The following TMCO5A variants were observed in gnomAD, a reference collection of about 807,000 sequenced individuals.
TMCO5A encodes transmembrane and coiled-coil domain-containing protein 5A.
Under a neutral mutation model 42.3 loss-of-function variants are expected in TMCO5A, and 34 were observed. The ratio of observed to expected loss-of-function variants is 0.80; its 90% CI spans 0.61 to 1.07. TMCO5A has a LOEUF of 1.07. TMCO5A is among the 50% of genes least tolerant of loss of function. The pLI is 0.00. For synonymous variants in TMCO5A, 131 were observed against 115.6 expected (o/e 1.13, Z -0.86); for missense variants, 357 against 327.9 (o/e 1.09, Z -0.69).
chr15:37,987,090 T>C, the TMCO5A span, among the ~76,000 whole-genome samples: 1 of 152,182 alleles, frequency 6.6e-6, no homozygotes, highest in Non-Finnish European at 1.5e-5. Context: ...TTTTTGATAG[T>C]AGTCATCCTA....
chr15:37,940,229 AG>A (rs1889681929), intron 6 of TMCO5A, among the ~76,000 whole-genome samples: 1 of 152,158 alleles, frequency 6.6e-6, no homozygotes. Context: ...TGCAATTAGA[AG>A]AACCGAAATC....
intron 6 of TMCO5A, among the ~76,000 whole-genome samples, chr15:37,939,768 G>T (rs1889666999): frequency 6.6e-6 from 1 of 152,042 alleles, no homozygotes; most frequent in Non-Finnish European, 1.5e-5. Flanking sequence ...AGTAATCAGT[G>T]CAGCAGCTTA....
the TMCO5A span, among the ~76,000 whole-genome samples, chr15:38,019,520 C>T: frequency 6.6e-6 from 1 of 152,090 alleles, no homozygotes; most frequent in Non-Finnish European, 1.5e-5. Context: ...GTTGAAAGTA[C>T]AGAGAAGTCA....
In TMCO5A at chr15:37,939,499, T is replaced by C. The variant is rs202133584; in HGVS notation, c.387+1270T>C. 3.3e-5 allele frequency among the ~76,000 whole-genome samples: 5 copies of C among 152,212 alleles called. No individual in the cohort carries two copies. In the East Asian group the frequency reaches 9.7e-4, roughly 29 times the overall value. ...ATTTTCTTCCAAGATCACCTCTTTT[T>C]CCCAGAAAATAAGACCAGCCAGAAT... On this transcript the variant is annotated intron_variant, in intron 6 of 11. Coordinates refer to ENST00000319669, the MANE Select transcript of TMCO5A (RefSeq NM_152453.4).
chr15:37,954,840 T>A (rs539252498), downstream of TMCO5A, among the ~76,000 whole-genome samples: 147 of 152,226 alleles, frequency 9.7e-4, 1 homozygote, highest in African/African-American at 3.4e-3. Flanking sequence ...GATTTCTTTT[T>A]TCATGTTTGT....
chr15:38,017,893 G>A, the TMCO5A span, among the ~76,000 whole-genome samples: 17 of 152,242 alleles, frequency 1.1e-4, no homozygotes, highest in East Asian at 2.9e-3. Flanking sequence ...GATCGTGAGC[G>A]AGCTCTCATG....
At chr15:37,956,145 A>T (rs1890284316), downstream of TMCO5A, among the ~76,000 whole-genome samples, 1 of 152,206 alleles carries the variant, frequency 6.6e-6, no homozygotes, top group African/African-American at 2.4e-5. Context: ...AGAAAGGAGG[A>T]AAGATCTAAA....
intron 11 of TMCO5A, among the ~76,000 whole-genome samples, chr15:37,960,793 AT>A (rs1344189627): frequency 2.0e-5 from 3 of 152,044 alleles, no homozygotes; most frequent in Non-Finnish European, 4.4e-5. Flanking sequence ...GATACTGAGC[AT>A]TTTTTCATAT....
chr15:38,002,119 C>T, the TMCO5A span, among the ~76,000 whole-genome samples: 1 of 152,012 alleles, frequency 6.6e-6, no homozygotes, highest in African/African-American at 2.4e-5. Context: ...TTGATGAAAT[C>T]CCTCAACTTT....
the TMCO5A span, among the ~76,000 whole-genome samples, chr15:38,029,252 T>C: frequency 6.6e-6 from 1 of 152,036 alleles, no homozygotes; most frequent in Non-Finnish European, 1.5e-5. Flanking sequence ...GGGTGTCATT[T>C]AGGGCTGCTA....
chr15:38,012,786 T>A, the TMCO5A span, among the ~76,000 whole-genome samples: 1 of 152,086 alleles, frequency 6.6e-6, no homozygotes, highest in Non-Finnish European at 1.5e-5. Flanking sequence ...TGTCCTAGTA[T>A]CAGTCAAAGT....
At chr15:38,029,159 T>G in the TMCO5A span, among the ~76,000 whole-genome samples, 3 of 152,102 alleles carry the variant, frequency 2.0e-5, no homozygotes, top group African/African-American at 7.2e-5. Flanking sequence ...TGGGAGAAAG[T>G]GCAGAGTAAA....
chr15:37,991,456 T>C, the TMCO5A span, among the ~76,000 whole-genome samples: 7 of 152,120 alleles, frequency 4.6e-5, no homozygotes, highest in Non-Finnish European at 1.0e-4. Flanking sequence ...CTACTAGGAA[T>C]TTTTTGAGCT....
the TMCO5A span, chr15:37,994,756 A>T: frequency 2.0e-5 from 3 of 152,174 alleles, no homozygotes; most frequent in East Asian, 5.8e-4. Flanking sequence ...GAAACTCCAG[A>T]GATATTAATA....
the TMCO5A span, among the ~76,000 whole-genome samples, chr15:38,007,574 G>T: frequency 6.6e-6 from 1 of 152,096 alleles, no homozygotes; most frequent in Non-Finnish European, 1.5e-5. Context: ...ATTGGAGAAG[G>T]TCCCCTAAAA....
downstream of TMCO5A, among the ~76,000 whole-genome samples, chr15:37,971,485 G>A (rs1890672725): frequency 6.6e-6 from 1 of 152,206 alleles, no homozygotes; most frequent in South Asian, 2.1e-4. Flanking sequence ...TTTCCCCATT[G>A]TCTTGGGAAT....
At chr15:37,963,360 T>A (rs1026885938) in intron 11 of TMCO5A, among the ~76,000 whole-genome samples, 1 of 152,186 alleles carries the variant, frequency 6.6e-6, no homozygotes, top group Non-Finnish European at 1.5e-5. Context: ...TTGCATGGTT[T>A]TGAAGGTTCC....
At chr15:38,038,975 C>G in the TMCO5A span, among the ~76,000 whole-genome samples, 1 of 152,184 alleles carries the variant, frequency 6.6e-6, no homozygotes, top group Non-Finnish European at 1.5e-5. Flanking sequence ...CCCTCTGCTA[C>G]AGGATAAGAT....
chr15:37,975,484 A>G, the TMCO5A span, among the ~76,000 whole-genome samples: 1 of 146,960 alleles, frequency 6.8e-6, no homozygotes, highest in African/African-American at 2.7e-5. Context: ...CTTTACCATT[A>G]TATAATGTCC....
Sources: gnomAD v4.1 joint callset for allele counts (sites outside exome capture counted in the v4.1 genomes callset) on GRCh38, gnomAD v4.1.1 for gene constraint, MANE v1.5 for transcripts, NCBI Gene and HGNC (gene_info 2026-07-23, HGNC 2026-07-21) for gene names.